The following MAP7D1 variants were observed in gnomAD, a reference collection of about 807,000 sequenced individuals.
MAP7D1 encodes MAP7 domain-containing protein 1.
A neutral mutation model predicts 97.5 loss-of-function variants in MAP7D1; 30 were observed. The observed-to-expected ratio is 0.31, with a 90% confidence interval of 0.23 to 0.42. The LOEUF (loss-of-function observed/expected upper bound fraction) is 0.42, where lower values mean the gene tolerates loss of function less well. MAP7D1 is among the 10% of genes least tolerant of loss of function. MAP7D1 has a pLI of 1.00. For missense variants in MAP7D1, 1,184 were observed against 1,179.5 expected, an observed-to-expected ratio of 1.00 and a Z score of -0.06; for synonymous variants, 536 against 477.1, an observed-to-expected ratio of 1.12 and a Z score of -1.61.
chr1:36,159,277 C>T lies in MAP7D1; in HGVS notation c.46+2814C>T, dbSNP rs527359411. On this transcript the variant is annotated intron_variant, in intron 1 of 16. Transcript: ENST00000474796. This position sits in a 1 kb window ranked among gnomAD's most constrained non-coding sequence, Gnocchi z 5.4. ...TTTGCCACATTGGCCGGGCTGGTCT[C>T]GAACTCCTGACCTCGTGATCTTCCC... Among the ~76,000 whole-genome samples, 21 of 152,228 alleles carry T rather than the reference C, an allele frequency of 1.4e-4. No homozygotes were observed. The East Asian group carries it at 2.9e-3, about 21-fold the overall frequency.
At chr1:36,175,090 A>G (rs1644600122) in intron 6 of MAP7D1, 82 bp downstream of exon 6, 2 of 810,902 alleles carry the variant, frequency 2.5e-6, no homozygotes, top group Middle Eastern at 2.3e-4. Context: ...CAAGAACACC[A>G]GGTCCCTGGA....
rs574098579 is a variant in MAP7D1 at position 36,159,767 on chromosome 1, C to T, written c.46+3304C>T. The stretch of plus-strand genomic sequence containing the variant: ...TGGGCTGTGCTTGTGGAAGGCTTCA[C>T]GGAGGAGGCAGCATTTGAGGTGGAT... On this transcript the variant is annotated intron_variant, in intron 1 of 16. Coordinates refer to ENST00000474796, the MANE Select transcript of MAP7D1 (RefSeq NM_001388490.1). This position sits in a 1 kb window ranked among gnomAD's most constrained non-coding sequence, Gnocchi z 5.4. Among the ~76,000 whole-genome samples the T allele has an allele frequency of 5.5e-4, 84 of 152,228 alleles. No individual in the cohort carries two copies. Among genetic ancestry groups the T allele is most frequent in the African/African-American group, 1.3e-3 (55 of 41,556 alleles).
intron 3 of MAP7D1, 104 bp downstream of exon 3, chr1:36,171,685 C>T: frequency 1.6e-6 from 2 of 1,290,274 alleles, no homozygotes; most frequent in South Asian, 1.2e-5. Context: ...GTAATCCCAG[C>T]ACTTTGGGAG....
intron 1 of MAP7D1, 51 bp downstream of exon 1, chr1:36,156,514 A>C (rs1255441411): frequency 3.7e-6 from 5 of 1,347,108 alleles, no homozygotes; most frequent in Non-Finnish European, 9.6e-7. Context: ...GAGGGGCTGC[A>C]GGGCGGCCGA....
intron 1 of MAP7D1, chr1:36,157,339 G>A (rs960179423): frequency 2.6e-5 from 4 of 152,450 alleles, no homozygotes; most frequent in African/African-American, 9.7e-5. Context: ...TCATTCCCCA[G>A]CCTGAGGCTT....
Position 36,178,862 on chromosome 1 carries a change from C to G in MAP7D1, c.2025+39C>G, listed in dbSNP as rs932593319. ...GCGGGAAGCGGCTGGGCGCGGGCGC[C>G]GCGGGCCGGGAGGGAAGGCTGGAGT... On this transcript the variant is annotated intron_variant, in intron 11 of 16. Coordinates refer to ENST00000474796, the MANE Select transcript of MAP7D1 (RefSeq NM_001388490.1). The G allele has an allele frequency of 5.8e-6, 9 of 1,545,764 alleles. No individual in the cohort carries two copies. In the Admixed American group the frequency reaches 1.8e-4, roughly 31 times the overall value.
At chr1:36,161,486 A>G (rs552393418) in intron 1 of MAP7D1, among the ~76,000 whole-genome samples, 1 of 152,374 alleles carries the variant, frequency 6.6e-6, no homozygotes, top group Admixed American at 6.5e-5. Flanking sequence ...GTGGAGCTTA[A>G]GTAAGTGTCT....
At chr1:36,170,935 ATCTG>A in intron 1 of MAP7D1, 32 bp from the exon 2 acceptor site, 1 of 824,810 alleles carries the variant, frequency 1.2e-6, no homozygotes. Context: ...CAGATGAGCA[ATCTG>A]ACCTCTCTCC....
intron 13 of MAP7D1, 57 bp from the exon 14 acceptor site, chr1:36,179,458 C>G (rs1338579974): frequency 2.5e-6 from 4 of 1,578,130 alleles, no homozygotes; most frequent in Middle Eastern, 1.7e-4. Flanking sequence ...GAACTCAGTC[C>G]GAAGTGGCTG....
At chr1:36,173,334 C>T (rs370745974) in intron 4 of MAP7D1, 30 bp from the exon 5 acceptor site, 31 of 1,550,902 alleles carry the variant, frequency 2.0e-5, no homozygotes, top group Non-Finnish European at 2.7e-5. Context: ...TCTGAGTCCA[C>T]ATCTCTCTCT....
At chr1:36,177,446 G>T (rs1402411472) in intron 8 of MAP7D1, 12 of 416,866 alleles carry the variant, frequency 2.9e-5, no homozygotes, top group Admixed American at 2.9e-4. Flanking sequence ...CTTGAGCCCA[G>T]GAGGTCGAGG....
chr1:36,166,963 G>C (rs2124216856), intron 1 of MAP7D1, among the ~76,000 whole-genome samples: 1 of 152,300 alleles, frequency 6.6e-6, no homozygotes, highest in South Asian at 2.1e-4. Flanking sequence ...GGGAAGATCA[G>C]CAGCTCAGTT....
intron 1 of MAP7D1, among the ~76,000 whole-genome samples, chr1:36,162,550 T>C (rs272825): frequency 0.076 from 11,546 of 152,234 alleles, 1,496 homozygotes; most frequent in African/African-American, 0.26. Flanking sequence ...CCACTTAATC[T>C]GTCTGAGTAA....
rs1374271497 is a variant in MAP7D1 at position 36,180,641 on chromosome 1, A to G, written c.*383A>G. 3.5e-6 allele frequency: 1 copy of G among 282,590 alleles called. No individual in the cohort carries two copies. Among genetic ancestry groups the G allele is most frequent in the Non-Finnish European group, 6.8e-6 (1 of 146,808 alleles). 17.5% of individuals were successfully genotyped at this position (282,590 alleles called of 1,614,324 possible). ...TCTGCGTGGAGAGGGTGGGTGCAGG[A>G]GGCAGACCCTCCCCCCAAAGCCCCC... On this transcript the variant is annotated 3_prime_UTR_variant, in exon 17 of 17. Coordinates refer to ENST00000474796, the MANE Select transcript of MAP7D1 (RefSeq NM_001388490.1).
chr1:36,177,790 G>A (rs1644649304), intron 8 of MAP7D1, 83 bp from the exon 9 acceptor site: 3 of 1,506,798 alleles, frequency 2.0e-6, no homozygotes, highest in African/African-American at 1.4e-5. Context: ...CTGGGGGAGG[G>A]GGCACCTCCC....
intron 12 of MAP7D1, 28 bp downstream of exon 12, chr1:36,179,053 G>A (rs772782236): frequency 6.5e-7 from 1 of 1,543,988 alleles, no homozygotes; most frequent in Non-Finnish European, 8.8e-7. Context: ...GGGATTTGTG[G>A]GCGGGGCCTG....
In MAP7D1 at chr1:36,176,433, C is replaced by G. The variant is rs771608914; in HGVS notation, c.1085C>G (p.Pro362Arg). The G allele has an allele frequency of 2.0e-6, 3 of 1,521,588 alleles. No individual in the cohort carries two copies. The highest frequency in any genetic ancestry group is 2.6e-6 in the Non-Finnish European group (3 of 1,143,712). 94.3% of individuals were successfully genotyped at this position (1,521,588 alleles called of 1,614,324 possible). A position where few individuals can be genotyped will look rare whatever the true frequency, so the allele number is the denominator to read the frequency against. ...THPSAAVPVC[P>R]RSASASPLTP... Reference sequence around the variant, plus strand: ...CCCTCTGCAGCCGTGCCGGTGTGCCCGCGCTCGGCCTCCGCCAGCCCCCTG... The same window carrying G: ...CCCTCTGCAGCCGTGCCGGTGTGCCGGCGCTCGGCCTCCGCCAGCCCCCTG... Residue 362 changes from proline (P) to arginine (R), a missense_variant, in exon 7 of 17, where the codon CCG (proline) becomes CGG (arginine). Transcript: ENST00000474796. The surrounding 1 kb of genome is among the most constrained non-coding windows in gnomAD (Gnocchi z 6.1).
chr1:36,173,596 A>G (rs1257978615), intron 5 of MAP7D1, 118 bp downstream of exon 5: 2 of 683,100 alleles, frequency 2.9e-6, no homozygotes, highest in Admixed American at 3.3e-5. Context: ...GCCTTGCTTT[A>G]TGTGACTTGT....
intron 5 of MAP7D1, among the ~76,000 whole-genome samples, chr1:36,173,820 C>G (rs997378589): frequency 1.3e-5 from 2 of 152,194 alleles, no homozygotes; most frequent in African/African-American, 4.8e-5. Context: ...CACTCCTTGT[C>G]TCGGAAGGTA....
Sources: gnomAD v4.1 joint callset for allele counts (sites outside exome capture counted in the v4.1 genomes callset) on GRCh38, gnomAD v4.1.1 for gene constraint, Gnocchi (gnomAD v3.1) non-coding constraint, MANE v1.5 for transcripts, NCBI Gene and HGNC (gene_info 2026-07-23, HGNC 2026-07-21) for gene names.